LMBR1: variants seen among roughly 807,000 people sequenced by gnomAD.
The protein encoded by LMBR1 is limb development membrane protein 1.
LMBR1 carries 52 observed loss-of-function variants against 73.9 expected under a neutral mutation model. The ratio of observed to expected loss-of-function variants is 0.70; its 90% CI spans 0.56 to 0.89. The LOEUF (loss-of-function observed/expected upper bound fraction) is 0.89, where lower values mean the gene tolerates loss of function less well. Among genes scored for constraint, LMBR1 ranks in the 40% least tolerant of loss-of-function variants. The probability of loss-of-function intolerance (pLI) is 0.00; values close to 1 mark genes in which losing one functional copy is unlikely to be tolerated. For missense variants in LMBR1, 539 were observed against 579.8 expected, an observed-to-expected ratio of 0.93 and a Z score of 0.72; for synonymous variants, 215 against 209.4, an observed-to-expected ratio of 1.03 and a Z score of -0.23.
intron 1 of LMBR1, among the ~76,000 whole-genome samples, chr7:156,840,051 A>G (rs1838376313): frequency 6.6e-6 from 1 of 152,250 alleles, no homozygotes; most frequent in Admixed American, 6.5e-5. Context: ...ATGAGGTTAA[A>G]GTCAGAGAGA....
At chr7:156,731,689 T>C (rs1816855055) in intron 10 of LMBR1, among the ~76,000 whole-genome samples, 1 of 152,052 alleles carries the variant, frequency 6.6e-6, no homozygotes, top group South Asian at 2.1e-4. Context: ...TAAATGAACA[T>C]TAGAAATGTA....
intron 1 of LMBR1, among the ~76,000 whole-genome samples, chr7:156,851,838 TAAC>T (rs1231821461): frequency 6.6e-6 from 1 of 152,192 alleles, no homozygotes; most frequent in Non-Finnish European, 1.5e-5. Context: ...ATTAAAGTTT[TAAC>T]AATAAGGACT....
chr7:156,814,101 C>T (rs1833531390), intron 4 of LMBR1, among the ~76,000 whole-genome samples: 1 of 152,148 alleles, frequency 6.6e-6, no homozygotes, highest in South Asian at 2.1e-4. Context: ...AGCCAACGCA[C>T]CCATAAACTG....
chr7:156,681,359 G>T lies in LMBR1; in HGVS notation c.*2719C>A. On this transcript the variant is annotated 3_prime_UTR_variant, in exon 17 of 17. Transcript: ENST00000353442. ...CAGCACCTTAGTGCAGCAATTTAAG[G>T]AGCTAACATTAGTGTGTATGTGTGT... 3.5e-6 allele frequency: 1 copy of T among 289,246 alleles called. No individual in the cohort carries two copies. The highest frequency in any genetic ancestry group is 1.0e-4 in the East Asian group (1 of 9,544). 17.9% of individuals were successfully genotyped at this position (289,246 alleles called of 1,614,324 possible).
intron 5 of LMBR1, among the ~76,000 whole-genome samples, chr7:156,791,809 T>C (rs1192629760): frequency 6.6e-6 from 1 of 152,206 alleles, no homozygotes; most frequent in Non-Finnish European, 1.5e-5. Flanking sequence ...GTTTGGATAA[T>C]TGGTCAGGAT....
At chr7:156,777,842 C>T (rs954085982) in intron 5 of LMBR1, among the ~76,000 whole-genome samples, 1 of 152,158 alleles carries the variant, frequency 6.6e-6, no homozygotes, top group African/African-American at 2.4e-5. Flanking sequence ...TCATTACCCA[C>T]TTTGTTGTTT....
chr7:156,848,063 T>TA (rs1363349284), intron 1 of LMBR1, among the ~76,000 whole-genome samples: 3,346 of 139,744 alleles, frequency 0.024, 45 homozygotes, highest in Non-Finnish European at 0.028. Context: ...CATTCAACAC[T>TA]AAAAAAAAAA....
intron 10 of LMBR1, among the ~76,000 whole-genome samples, chr7:156,729,327 A>G (rs1189357237): frequency 6.6e-6 from 1 of 151,996 alleles, no homozygotes; most frequent in East Asian, 1.9e-4. Flanking sequence ...ATTTTCTACC[A>G]TATGTGGATT....
At chr7:156,833,635 G>T in intron 3 of LMBR1, 118 bp downstream of exon 3, 1 of 693,322 alleles carries the variant, frequency 1.4e-6, no homozygotes. Context: ...ATATGATAAA[G>T]CTATTGTAAT....
intron 1 of LMBR1, among the ~76,000 whole-genome samples, chr7:156,856,001 C>T (rs1215512447): frequency 2.6e-5 from 4 of 152,120 alleles, no homozygotes; most frequent in Admixed American, 2.0e-4. Flanking sequence ...CAAGACCATC[C>T]TGGCTAACAA....
intron 16 of LMBR1, among the ~76,000 whole-genome samples, chr7:156,686,423 A>G (rs10242938): frequency 0.075 from 11,484 of 152,250 alleles, 618 homozygotes; most frequent in East Asian, 0.15. Context: ...TTTACAATCA[A>G]ATTACAAGTC....
chr7:156,761,695 G>C (rs1449056434), intron 8 of LMBR1, among the ~76,000 whole-genome samples: 1 of 152,080 alleles, frequency 6.6e-6, no homozygotes, highest in Non-Finnish European at 1.5e-5. Flanking sequence ...AAACTTAATA[G>C]GCCAAGTGCG....
At chr7:156,783,399 G>A (rs941750905) in intron 5 of LMBR1, among the ~76,000 whole-genome samples, 4 of 151,692 alleles carry the variant, frequency 2.6e-5, no homozygotes, top group African/African-American at 7.3e-5. Context: ...GGCTAGTCTC[G>A]AACTCCTGGC....
chr7:156,770,739 C>T (rs1265802426), intron 5 of LMBR1, among the ~76,000 whole-genome samples: 1 of 151,996 alleles, frequency 6.6e-6, no homozygotes, highest in Non-Finnish European at 1.5e-5. Flanking sequence ...CATAGCAAGA[C>T]CTTATCTCTA....
At chr7:156,886,240 G>A (rs370874650) in intron 1 of LMBR1, among the ~76,000 whole-genome samples, 4 of 152,092 alleles carry the variant, frequency 2.6e-5, no homozygotes, top group African/African-American at 7.2e-5. Context: ...GCATCCTCCC[G>A]CAGAGCACAG....
At chr7:156,846,049 G>C (rs1839527048) in intron 1 of LMBR1, among the ~76,000 whole-genome samples, 1 of 151,540 alleles carries the variant, frequency 6.6e-6, no homozygotes, top group East Asian at 1.9e-4. Flanking sequence ...GATCACTTGA[G>C]ACCAAAAGTG....
chr7:156,845,936 G>A (rs1839505765), intron 1 of LMBR1, among the ~76,000 whole-genome samples: 1 of 151,216 alleles, frequency 6.6e-6, no homozygotes, highest in Admixed American at 6.6e-5. Flanking sequence ...GAATCTTCAT[G>A]TACCAAAAAG....
intron 15 of LMBR1, among the ~76,000 whole-genome samples, chr7:156,689,003 G>A (rs1806571703): frequency 6.6e-6 from 1 of 152,064 alleles, no homozygotes; most frequent in Non-Finnish European, 1.5e-5. Context: ...GACAAAGCAG[G>A]AAATACAGTA....
At chr7:156,862,647 G>A (rs1157412498) in intron 1 of LMBR1, among the ~76,000 whole-genome samples, 1 of 152,138 alleles carries the variant, frequency 6.6e-6, no homozygotes, top group Admixed American at 6.5e-5. Flanking sequence ...GGAATGAAAG[G>A]ACAAGCCACA....
Sources: gnomAD v4.1 joint callset for allele counts (sites outside exome capture counted in the v4.1 genomes callset) on GRCh38, gnomAD v4.1.1 for gene constraint, MANE v1.5 for transcripts, NCBI Gene and HGNC (gene_info 2026-07-23, HGNC 2026-07-21) for gene names.